Variants in ZNF727 observed in about 807,000 individuals in gnomAD.
ZNF727 encodes the protein zinc finger protein 727, also known as putative zinc finger protein 727.
ZNF727 carries 11 observed loss-of-function variants against 11.5 expected under a neutral mutation model. That is an observed-to-expected ratio of 0.95 (90% confidence interval 0.60 to 1.58). The LOEUF (loss-of-function observed/expected upper bound fraction) is 1.58. Ranked by LOEUF, ZNF727 falls within the 40% of genes most tolerant of loss-of-function variation. The pLI is 0.00. For synonymous variants in ZNF727, 171 were observed against 196.1 expected (o/e 0.87, Z 1.07); for missense variants, 533 against 581.7 (o/e 0.92, Z 0.86).
chr7:64,054,056 CTG>C (rs538860010), intron 1 of ZNF727, among the ~76,000 whole-genome samples: 2 of 152,280 alleles, frequency 1.3e-5, no homozygotes, highest in South Asian at 4.1e-4. Context: ...CTGCCAGGCT[CTG>C]TGAGGGAGGC....
chr7:64,070,620 A>T (rs908116520), intron 3 of ZNF727, among the ~76,000 whole-genome samples: 1 of 152,064 alleles, frequency 6.6e-6, no homozygotes, highest in African/African-American at 2.4e-5. Flanking sequence ...ATAACCTTAC[A>T]TACTTACTTT....
chr7:64,078,487 A>G lies in ZNF727; in HGVS notation c.1438A>G (p.Thr480Ala), dbSNP rs1415648999. The change falls in exon 4 of 4, where the codon ACA (threonine) becomes GCA (alanine). Residue 480 changes from threonine (T) to alanine (A), a missense_variant. Physicochemically the swap from Thr to Ala is moderately conservative, Grantham distance 58 (BLOSUM62 0). Around this residue, in one of 3 missense-constraint regions of ZNF727, gnomAD observed 54 missense variants for 48.6 expected, o/e 1.11. Coordinates refer to ENST00000456806, the MANE Select transcript of ZNF727 (RefSeq NM_001159522.3). The part of the protein sequence containing the change: ...HKRSHTGDRP[T>A]SAKNVAKPLG... The stretch of plus-strand genomic sequence containing the variant: ...GAGAAGTCATACTGGAGACAGACCT[A>G]CAAGTGCAAAGAATGTGGCAAAGCC... 2 of 1,565,206 alleles carry G rather than the reference A, an allele frequency of 1.3e-6. No homozygotes were observed.
intron 1 of ZNF727, among the ~76,000 whole-genome samples, chr7:64,053,697 G>A (rs942045734): frequency 2.0e-5 from 3 of 152,010 alleles, no homozygotes; most frequent in Non-Finnish European, 4.4e-5. Context: ...CATGTAAGAT[G>A]TCACTCATTC....
chr7:64,084,667 A>G lies in ZNF727; in HGVS notation c.*6118A>G, dbSNP rs1464863200. ...TCTGAATTCTGAACAACTATTTACA[A>G]AATTTTATCCTACTTTTTTCTGTTG... On this transcript the variant is annotated 3_prime_UTR_variant, in exon 4 of 4. Coordinates refer to ENST00000456806, the MANE Select transcript of ZNF727 (RefSeq NM_001159522.3). Among the ~76,000 whole-genome samples the G allele has an allele frequency of 1.3e-5, 2 of 152,208 alleles. No individual in the cohort carries two copies. The highest frequency in any genetic ancestry group is 2.9e-5 in the Non-Finnish European group (2 of 68,008).
At chr7:64,068,033 A>C (rs1789898434) in intron 1 of ZNF727, among the ~76,000 whole-genome samples, 1 of 152,170 alleles carries the variant, frequency 6.6e-6, no homozygotes. Flanking sequence ...GCTCAGATTA[A>C]GTTGACCCTT....
At chr7:64,058,496 G>C (rs1319002979) in intron 1 of ZNF727, among the ~76,000 whole-genome samples, 1 of 152,028 alleles carries the variant, frequency 6.6e-6, no homozygotes, top group Non-Finnish European at 1.5e-5. Flanking sequence ...ACTTATCCCT[G>C]TCCCCAGACC....
intron 3 of ZNF727, among the ~76,000 whole-genome samples, chr7:64,071,938 C>A (rs554063454): frequency 6.6e-6 from 1 of 151,954 alleles, no homozygotes; most frequent in Non-Finnish European, 1.5e-5. Flanking sequence ...CCACTGATAT[C>A]GGTGTGCATT....
intron 1 of ZNF727, among the ~76,000 whole-genome samples, chr7:64,067,069 C>G (rs1156662243): frequency 6.6e-6 from 1 of 152,018 alleles, no homozygotes; most frequent in Non-Finnish European, 1.5e-5. Flanking sequence ...AAAACAACCC[C>G]ATCAAAAAGT....
At chr7:64,052,812 A>G (rs187415092) in intron 1 of ZNF727, among the ~76,000 whole-genome samples, 1 of 152,348 alleles carries the variant, frequency 6.6e-6, no homozygotes, top group Non-Finnish European at 1.5e-5. Flanking sequence ...GATGTGAGAC[A>G]TGAAGTCAAA....
intron 1 of ZNF727, among the ~76,000 whole-genome samples, chr7:64,063,260 A>G (rs1789804026): frequency 6.6e-6 from 1 of 152,138 alleles, no homozygotes; most frequent in Non-Finnish European, 1.5e-5. Flanking sequence ...CTTCTTAGAA[A>G]GGCTTTCCAA....
chr7:64,065,853 AAAAAATTGTCACCATG>A lies in ZNF727; in HGVS notation c.4-3035_4-3020del, dbSNP rs369211385. 1.6e-3 allele frequency among the ~76,000 whole-genome samples: 248 copies of A among 151,940 alleles called. 2 individuals carry two copies. The highest frequency in any genetic ancestry group is 5.8e-3 in the African/African-American group (239 of 41,446). On this transcript the variant is annotated intron_variant, in intron 1 of 3. Coordinates refer to ENST00000456806, the MANE Select transcript of ZNF727 (RefSeq NM_001159522.3). Reference sequence around the variant, plus strand: ...ACATTGTAGCTTTTAATAAGCCGTGAAAAAATTGTCACCATGAATTTATAACCTGCAGCATTACAAA... The same window carrying A: ...ACATTGTAGCTTTTAATAAGCCGTGAAATTTATAACCTGCAGCATTACAAA...
intron 1 of ZNF727, among the ~76,000 whole-genome samples, chr7:64,049,308 T>C (rs1789555880): frequency 1.3e-5 from 2 of 152,062 alleles, no homozygotes; most frequent in Admixed American, 6.5e-5. Flanking sequence ...TCATTTTCTT[T>C]ATCTTTTATT....
intron 3 of ZNF727, among the ~76,000 whole-genome samples, chr7:64,071,980 A>G (rs903469915): frequency 3.9e-5 from 6 of 152,052 alleles, no homozygotes; most frequent in Non-Finnish European, 7.4e-5. Flanking sequence ...TTTTATTACA[A>G]TAGCCTTCAA....
intron 1 of ZNF727, among the ~76,000 whole-genome samples, chr7:64,047,948 C>A (rs992857438): frequency 6.6e-6 from 1 of 152,162 alleles, no homozygotes; most frequent in African/African-American, 2.4e-5. Context: ...AAGCAAAATA[C>A]ACATCTGCCA....
intron 1 of ZNF727, among the ~76,000 whole-genome samples, chr7:64,046,144 T>C (rs1183775052): frequency 7.9e-5 from 12 of 152,146 alleles, no homozygotes; most frequent in Admixed American, 7.9e-4. Flanking sequence ...GCTCCCCAAG[T>C]AGCTAGGACT....
intron 1 of ZNF727, among the ~76,000 whole-genome samples, chr7:64,046,753 C>T (rs533620094): frequency 8.5e-5 from 13 of 152,312 alleles, no homozygotes; most frequent in African/African-American, 3.1e-4. Context: ...AGTTTATTTG[C>T]ACAAACAGCA....
rs1315557467 is a variant in ZNF727, at chr7:64,081,264, G to C, written c.*2715G>C. Reference sequence around the variant, plus strand: ...CAGTAAAGGTTTTGATGCCTTCTCTGTGCCCCCCAAGAAGGAATGATTGTT... The same window carrying C: ...CAGTAAAGGTTTTGATGCCTTCTCTCTGCCCCCCAAGAAGGAATGATTGTT... On this transcript the variant is annotated 3_prime_UTR_variant, in exon 4 of 4. Coordinates refer to ENST00000456806, the MANE Select transcript of ZNF727 (RefSeq NM_001159522.3). Among the ~76,000 whole-genome samples the C allele has an allele frequency of 6.6e-6, 1 of 152,064 alleles. No homozygotes were observed. The highest frequency in any genetic ancestry group is 1.5e-5 in the Non-Finnish European group (1 of 68,024).
At chr7:64,055,765 G>A (rs1215551073) in intron 1 of ZNF727, among the ~76,000 whole-genome samples, 2 of 152,162 alleles carry the variant, frequency 1.3e-5, no homozygotes, top group Non-Finnish European at 2.9e-5. Flanking sequence ...CATTGCTGAA[G>A]ACATGGGTTG....
chr7:64,050,546 G>T (rs1789577461), intron 1 of ZNF727, among the ~76,000 whole-genome samples: 1 of 152,130 alleles, frequency 6.6e-6, no homozygotes, highest in South Asian at 2.1e-4. Context: ...AAAGATAGAA[G>T]TAAATGGAAG....
Sources: allele counts gnomAD v4.1 joint callset (sites outside exome capture counted in the v4.1 genomes callset), GRCh38; gene constraint gnomAD v4.1.1; regional missense constraint gnomAD v4.1.1; transcripts MANE v1.5; gene names NCBI Gene and HGNC (gene_info 2026-07-23, HGNC 2026-07-21).